Variants in KIAA0586 observed in about 807,000 individuals in gnomAD.
The protein encoded by KIAA0586 is KIAA0586.
Under a neutral mutation model 169.8 loss-of-function variants are expected in KIAA0586, and 144 were observed. The observed-to-expected ratio is 0.85, with a 90% CI of 0.74 to 0.97. The LOEUF (loss-of-function observed/expected upper bound fraction) is 0.97. Ranked by LOEUF, KIAA0586 falls within the 50% of genes least tolerant of loss-of-function variation. The probability of loss-of-function intolerance (pLI) is 0.00; values close to 1 mark genes in which losing one functional copy is unlikely to be tolerated. For synonymous variants in KIAA0586, 625 were observed against 612.4 expected, an observed-to-expected ratio of 1.02 and a Z score of -0.30; for missense variants, 1,854 against 1,823.0, an observed-to-expected ratio of 1.02 and a Z score of -0.31.
intron 18 of KIAA0586, 65 bp downstream of exon 18, chr14:58,472,344 T>A (rs943935887): frequency 2.4e-6 from 2 of 827,776 alleles, no homozygotes; most frequent in Non-Finnish European, 3.7e-6. Context: ...TTGTTGACTA[T>A]CTTTGGACTA....
chr14:58,551,756 A>T (rs1410999410), downstream of KIAA0586, among the ~76,000 whole-genome samples: 3 of 151,538 alleles, frequency 2.0e-5, no homozygotes, highest in African/African-American at 7.3e-5. Flanking sequence ...ACAGAGTGAG[A>T]CTGTCTCAAA....
At chr14:58,458,643 T>C (rs1308662210) in intron 12 of KIAA0586, 98 bp downstream of exon 12, 3 of 630,558 alleles carry the variant, frequency 4.8e-6, no homozygotes, top group East Asian at 6.3e-5. Flanking sequence ...ATATTTCTTA[T>C]ATAAAAATCC....
rs1345730871 is a variant in KIAA0586 at position 58,511,631 on chromosome 14, G to A, written c.4324-891G>A. ...TACACACCAAGATAATATTTCCTTCGAGGCAGAAACATACATGACTAACGG... is the reference window on the plus strand; with the variant it reads ...TACACACCAAGATAATATTTCCTTCAAGGCAGAAACATACATGACTAACGG... On this transcript the variant is annotated intron_variant, in intron 28 of 30. Coordinates refer to ENST00000652326, the MANE Select transcript of KIAA0586 (RefSeq NM_001329943.3). Among the ~76,000 whole-genome samples the A allele has an allele frequency of 3.3e-5, 5 of 152,054 alleles. No homozygotes were observed. In the South Asian group the frequency reaches 6.2e-4, roughly 19 times the overall value.
intron 28 of KIAA0586, among the ~76,000 whole-genome samples, chr14:58,511,243 A>T (rs182832048): frequency 1.3e-5 from 2 of 152,298 alleles, no homozygotes; most frequent in African/African-American, 4.8e-5. Context: ...GGCCTCAAAA[A>T]ATTCCCTTGT....
At chr14:58,513,260 A>G (rs911384194) in intron 29 of KIAA0586, among the ~76,000 whole-genome samples, 2 of 152,084 alleles carry the variant, frequency 1.3e-5, no homozygotes, top group Non-Finnish European at 2.9e-5. Flanking sequence ...AGAAATTAAG[A>G]TCTCTTCTGT....
Position 58,548,456 on chromosome 14 carries a change from G to A in KIAA0586, c.*524G>A, listed in dbSNP as rs1442122110. On this transcript the variant is annotated 3_prime_UTR_variant, in exon 31 of 31. Transcript: ENST00000652326. ...AAAAGCCATGTGCAAAATAGTGTGT[G>A]AACTATGCAGTTGTTGAAATTATTT... 6.6e-6 allele frequency: 1 copy of A among 152,232 alleles called. No homozygotes were observed. Among genetic ancestry groups the A allele is most frequent in the African/African-American group, 2.4e-5 (1 of 41,452 alleles). 9.4% of individuals were successfully genotyped at this position (152,232 alleles called of 1,614,324 possible).
At position 58,428,166 on chromosome 14, in the gene KIAA0586, CAGTT is replaced by C; in HGVS notation, c.-97_-94del. 4 of 1,493,154 alleles carry C rather than the reference CAGTT, an allele frequency of 2.7e-6. No homozygotes were observed. Among genetic ancestry groups the C allele is most frequent in the Non-Finnish European group, 3.6e-6 (4 of 1,124,632 alleles). The allele number at this position is 1,493,154 out of a possible 1,614,324, so 92.5% of individuals were successfully genotyped here. A position where few individuals can be genotyped will look rare whatever the true frequency, so the allele number is the denominator to read the frequency against. On this transcript the variant is annotated 5_prime_UTR_variant, in exon 1 of 31. An upstream open reading frame in the 5' UTR loses its in-frame stop. Transcript: ENST00000652326. Reference sequence around the variant, plus strand: ...TTGTGGATGTTCGACATTTTAAAAACAGTTATTGCAAAGAGGTGAAAATTTTGTT... The same window carrying C: ...TTGTGGATGTTCGACATTTTAAAAACATTGCAAAGAGGTGAAAATTTTGTT...
rs770043217 is a variant in KIAA0586, at chr14:58,450,647, C to T, written c.1030C>T (p.Arg344Cys). The T allele has an allele frequency of 5.0e-5, 81 of 1,610,488 alleles. 1 individual carries two copies. The South Asian group carries it at 8.1e-4, about 16-fold the overall frequency. ...ATCTCCTTTGGAGACACCAGCACCT[C>T]GCAGATTTGCTCCTGTACCTGTTTC... is the stretch of plus-strand genomic sequence containing the variant. ...QKSPLETPAP[R>C]RFAPVPVSRD... The change falls in exon 8 of 31, where the codon CGC (arginine) becomes TGC (cysteine). Residue 344 changes from arginine (R) to cysteine (C), a missense_variant. Coordinates refer to ENST00000652326, the MANE Select transcript of KIAA0586 (RefSeq NM_001329943.3).
At chr14:58,521,053 CTG>C (rs2045180413) in intron 29 of KIAA0586, 1 of 396,576 alleles carries the variant, frequency 2.5e-6, no homozygotes, top group Admixed American at 3.7e-5. Flanking sequence ...GAGATGAAGA[CTG>C]AGCGGTTGTG....
chr14:58,447,063 G>A (rs1464285552), intron 6 of KIAA0586, among the ~76,000 whole-genome samples: 2 of 152,146 alleles, frequency 1.3e-5, no homozygotes, highest in East Asian at 3.9e-4. Flanking sequence ...TTGGAAGAAT[G>A]AAATCTGCTA....
At position 58,444,185 on chromosome 14, in the gene KIAA0586, A is replaced by G. The variant is rs368833496; in HGVS notation, c.807+10A>G. 2 of 1,522,474 alleles carry G rather than the reference A, an allele frequency of 1.3e-6. No homozygotes were observed. Among genetic ancestry groups the G allele is most frequent in the South Asian group, 2.3e-5 (2 of 88,130 alleles). The allele number at this position is 1,522,474 out of a possible 1,614,324, so 94.3% of individuals were successfully genotyped here. On this transcript the variant is annotated intron_variant, in intron 6 of 30. Transcript: ENST00000652326. ...ACAAATAGATATTCAGGTATCTGTAATAAATCCAGTACAGATTCCATAATC... is the reference window on the plus strand; with the variant it reads ...ACAAATAGATATTCAGGTATCTGTAGTAAATCCAGTACAGATTCCATAATC...
intron 7 of KIAA0586, among the ~76,000 whole-genome samples, chr14:58,449,491 T>C (rs983542610): frequency 6.6e-6 from 1 of 152,190 alleles, no homozygotes; most frequent in Admixed American, 6.5e-5. Context: ...ATCATGCAGC[T>C]GTACTCCAGC....
intron 29 of KIAA0586, among the ~76,000 whole-genome samples, chr14:58,520,115 C>T (rs2045088365): frequency 6.6e-6 from 1 of 152,190 alleles, no homozygotes; most frequent in Non-Finnish European, 1.5e-5. Flanking sequence ...AGCTTAGATA[C>T]TAGTTCATGG....
At chr14:58,515,922 A>G (rs939744265) in intron 29 of KIAA0586, among the ~76,000 whole-genome samples, 1 of 151,644 alleles carries the variant, frequency 6.6e-6, no homozygotes, top group Non-Finnish European at 1.5e-5. Context: ...AATCATTAAC[A>G]TTTCTTGAAC....
intron 22 of KIAA0586, 107 bp downstream of exon 22, chr14:58,487,273 C>G (rs1390505809): frequency 5.0e-6 from 5 of 1,006,270 alleles, no homozygotes; most frequent in Non-Finnish European, 5.7e-6. Context: ...CATTTTTTCT[C>G]ACAAGGAAAT....
rs956129434 is a variant in KIAA0586, at chr14:58,477,023, C to A, written c.2826-100C>A. The A allele has an allele frequency of 2.2e-5, 13 of 593,986 alleles. No individual in the cohort carries two copies. The South Asian group carries it at 3.0e-4, about 14-fold the overall frequency. The allele number at this position is 593,986 out of a possible 1,614,324, so 36.8% of individuals were successfully genotyped here. A position where few individuals can be genotyped will look rare whatever the true frequency, so the allele number is the denominator to read the frequency against. ...TGCTTTCACACCAACATGTTTGTGG[C>A]ATTGGTAAAGGTTATTTTTAGGGGT... is the stretch of plus-strand genomic sequence containing the variant. On this transcript the variant is annotated intron_variant, in intron 19 of 30. Coordinates refer to ENST00000652326, the MANE Select transcript of KIAA0586 (RefSeq NM_001329943.3).
intron 4 of KIAA0586, chr14:58,440,180 C>A: frequency 4.5e-6 from 2 of 447,614 alleles, no homozygotes; most frequent in Middle Eastern, 6.6e-4. Flanking sequence ...ACTACACCCA[C>A]CTAATTCAGG....
At chr14:58,478,230 C>T (rs1009770587) in intron 20 of KIAA0586, among the ~76,000 whole-genome samples, 11 of 152,174 alleles carry the variant, frequency 7.2e-5, no homozygotes, top group African/African-American at 2.4e-5. Flanking sequence ...CGCCTGTAAT[C>T]GCAGCACTTT....
intron 12 of KIAA0586, among the ~76,000 whole-genome samples, chr14:58,458,808 A>C (rs2040082833): frequency 6.6e-6 from 1 of 152,346 alleles, no homozygotes; most frequent in Non-Finnish European, 1.5e-5. Context: ...AAAATTTAGC[A>C]AAAGTGTTTG....
Sources: allele counts gnomAD v4.1 joint callset (sites outside exome capture counted in the v4.1 genomes callset), GRCh38; gene constraint gnomAD v4.1.1; transcripts MANE v1.5; gene names NCBI Gene and HGNC (gene_info 2026-07-23, HGNC 2026-07-21).